The following TSPAN18 variants were observed in gnomAD, a reference collection of about 807,000 sequenced individuals.
TSPAN18 encodes the protein tetraspanin-18.
Under a neutral mutation model 27.3 loss-of-function variants are expected in TSPAN18, and 14 were observed. The observed-to-expected ratio is 0.51, with a 90% CI of 0.34 to 0.80. The LOEUF is 0.80. Among genes scored for constraint, TSPAN18 ranks in the 30% least tolerant of loss-of-function variants. The pLI is 0.01. For synonymous variants in TSPAN18, 143 were observed against 136.5 expected (o/e 1.05, Z -0.33); for missense variants, 268 against 323.9 (o/e 0.83, Z 1.32).
At chr11:44,914,029 C>T (rs1306644471) in intron 5 of TSPAN18, among the ~76,000 whole-genome samples, 6 of 152,266 alleles carry the variant, frequency 3.9e-5, no homozygotes, top group Admixed American at 3.9e-4. Context: ...AGGATTCACA[C>T]TCCCACATAC....
intron 2 of TSPAN18, among the ~76,000 whole-genome samples, chr11:44,804,321 G>C (rs1357984524): frequency 6.6e-6 from 1 of 152,176 alleles, no homozygotes; most frequent in Non-Finnish European, 1.5e-5. Context: ...TCGAACTCCT[G>C]ACCCTGTGAT....
At chr11:44,834,822 T>C (rs1382870472) in intron 2 of TSPAN18, among the ~76,000 whole-genome samples, 1 of 152,184 alleles carries the variant, frequency 6.6e-6, no homozygotes, top group East Asian at 1.9e-4. Flanking sequence ...AAGGCAAGCA[T>C]TTGTGAACAG....
intron 3 of TSPAN18, among the ~76,000 whole-genome samples, chr11:44,861,356 C>G (rs943615443): frequency 2.0e-5 from 3 of 147,534 alleles, no homozygotes; most frequent in African/African-American, 7.6e-5. Context: ...ATTGGCCAGA[C>G]TGGGTCAGTT....
In TSPAN18 at chr11:44,924,007, G is replaced by A. The variant is rs186212329; in HGVS notation, c.616-2667G>A. ...CTTCCCTCTGCTGGACAAGGTCCCCGGCTTCTTGCCAGTTTCCCCGGGTGA... is the reference window on the plus strand; with the variant it reads ...CTTCCCTCTGCTGGACAAGGTCCCCAGCTTCTTGCCAGTTTCCCCGGGTGA... On this transcript the variant is annotated intron_variant, in intron 8 of 9. Transcript: ENST00000520358. Among the ~76,000 whole-genome samples, 8 of 152,206 alleles carry A rather than the reference G, an allele frequency of 5.3e-5. No individual in the cohort carries two copies. The East Asian group carries it at 1.5e-3, about 29-fold the overall frequency.
chr11:44,789,771 G>T (rs1856147907), intron 2 of TSPAN18, among the ~76,000 whole-genome samples: 1 of 152,228 alleles, frequency 6.6e-6, no homozygotes. Context: ...CTGTCAACAG[G>T]ACACCACAAG....
At chr11:44,839,220 C>T (rs951895013) in intron 2 of TSPAN18, among the ~76,000 whole-genome samples, 2 of 152,206 alleles carry the variant, frequency 1.3e-5, no homozygotes, top group Non-Finnish European at 2.9e-5. Flanking sequence ...AAATACGTTT[C>T]TGTTCATTTC....
chr11:44,731,633 T>TTTGTGAGAGA (rs1554976097), intron 1 of TSPAN18, among the ~76,000 whole-genome samples: 2 of 107,384 alleles, frequency 1.9e-5, no homozygotes, highest in Non-Finnish European at 3.7e-5. Flanking sequence ...TGTGTGTGTG[T>TTTGTGAGAGA]GAGAGAGAGA....
At chr11:44,866,472 C>G (rs1043243541) in intron 3 of TSPAN18, among the ~76,000 whole-genome samples, 23 of 152,218 alleles carry the variant, frequency 1.5e-4, no homozygotes, top group Non-Finnish European at 3.2e-4. Flanking sequence ...ATCTCAGGGT[C>G]TAATGAGGCC....
intron 2 of TSPAN18, among the ~76,000 whole-genome samples, chr11:44,826,474 A>G (rs1857045734): frequency 6.6e-6 from 1 of 152,214 alleles, no homozygotes; most frequent in South Asian, 2.1e-4. Flanking sequence ...TGAAGGGTGG[A>G]TATTTTTGGA....
chr11:44,832,879 G>A (rs1416034487), intron 2 of TSPAN18, among the ~76,000 whole-genome samples: 1 of 151,972 alleles, frequency 6.6e-6, no homozygotes, highest in Non-Finnish European at 1.5e-5. Context: ...TGAGTGGCTT[G>A]GTCTGAATAT....
intron 2 of TSPAN18, among the ~76,000 whole-genome samples, chr11:44,772,894 C>T (rs58996241): frequency 0.7 from 105,593 of 151,458 alleles, 37,939 homozygotes; most frequent in Non-Finnish European, 0.78. Context: ...CTGACCTAGG[C>T]GATCCACCTG....
chr11:44,816,325 C>T (rs552893296), intron 2 of TSPAN18, among the ~76,000 whole-genome samples: 17 of 152,298 alleles, frequency 1.1e-4, no homozygotes, highest in Non-Finnish European at 2.1e-4. Flanking sequence ...CTGGGTCACC[C>T]GCAACTGAAA....
intron 1 of TSPAN18, among the ~76,000 whole-genome samples, chr11:44,731,892 C>A (rs1245934966): frequency 6.6e-6 from 1 of 152,170 alleles, no homozygotes; most frequent in African/African-American, 2.4e-5. Flanking sequence ...CTTTGTTTCC[C>A]ACCCTTCACC....
At chr11:44,764,555 G>A (rs925721079) in intron 2 of TSPAN18, 43 bp downstream of exon 2, 7 of 152,254 alleles carry the variant, frequency 4.6e-5, no homozygotes, top group African/African-American at 1.4e-4. Context: ...TCACTTACTC[G>A]AACAAGAGGG....
chr11:44,840,946 C>T (rs1857360011), intron 2 of TSPAN18, among the ~76,000 whole-genome samples: 1 of 152,154 alleles, frequency 6.6e-6, no homozygotes, highest in African/African-American at 2.4e-5. Context: ...TTAAATGACA[C>T]AAGGATGCAA....
At chr11:44,731,631 T>TGAGA (rs1168288636) in intron 1 of TSPAN18, among the ~76,000 whole-genome samples, 2,365 of 60,370 alleles carry the variant, frequency 0.039, 28 homozygotes, top group Middle Eastern at 0.092. Context: ...TGTGTGTGTG[T>TGAGA]GTGAGAGAGA....
At chr11:44,911,453 C>T (rs1306615515) in intron 5 of TSPAN18, among the ~76,000 whole-genome samples, 1 of 152,192 alleles carries the variant, frequency 6.6e-6, no homozygotes, top group Non-Finnish European at 1.5e-5. Flanking sequence ...TGTCCTTCAA[C>T]AGCGCAAACA....
chr11:44,918,331 G>A (rs3816790), intron 6 of TSPAN18, among the ~76,000 whole-genome samples: 42,325 of 152,038 alleles, frequency 0.28, 8,504 homozygotes, highest in African/African-American at 0.57. Flanking sequence ...CCTAGTAACG[G>A]CCCAGTGATA....
intron 7 of TSPAN18, 56 bp from the exon 8 acceptor site, chr11:44,919,761 C>T: frequency 6.4e-7 from 1 of 1,561,774 alleles, no homozygotes; most frequent in Non-Finnish European, 8.8e-7. Flanking sequence ...CTTCTCTGTC[C>T]CCGCCCCTGT....
Sources: gnomAD v4.1 joint callset for allele counts (sites outside exome capture counted in the v4.1 genomes callset) on GRCh38, gnomAD v4.1.1 for gene constraint, MANE v1.5 for transcripts, NCBI Gene and HGNC (gene_info 2026-07-23, HGNC 2026-07-21) for gene names.